The following PLA2G4D variants were observed in gnomAD, a reference collection of about 807,000 sequenced individuals.
The protein encoded by PLA2G4D is phospholipase A2 group IVD, also known as cytosolic phospholipase A2 delta.
Under a neutral mutation model 94.4 loss-of-function variants are expected in PLA2G4D, and 80 were observed. That is an observed-to-expected ratio of 0.85 (90% CI 0.71 to 1.02). The LOEUF (loss-of-function observed/expected upper bound fraction) is 1.02. PLA2G4D is among the 50% of genes least tolerant of loss of function. The probability of loss-of-function intolerance (pLI) is 0.00; values close to 1 mark genes in which losing one functional copy is unlikely to be tolerated. For synonymous variants in PLA2G4D, 438 were observed against 440.9 expected, an observed-to-expected ratio of 0.99 and a Z score of 0.08; for missense variants, 1,050 against 1,034.7, an observed-to-expected ratio of 1.01 and a Z score of -0.20.
chr15:42,089,106 G>A (rs1048230900), intron 1 of PLA2G4D, among the ~76,000 whole-genome samples: 1 of 152,226 alleles, frequency 6.6e-6, no homozygotes, highest in Non-Finnish European at 1.5e-5. Context: ...GACCCTGAGG[G>A]AGCCAAAAGC....
At chr15:42,083,667 C>T (rs758940285) in intron 7 of PLA2G4D, 49 bp downstream of exon 7, 1 of 1,605,826 alleles carries the variant, frequency 6.2e-7, no homozygotes, top group South Asian at 1.1e-5. Flanking sequence ...CAATCCTCCT[C>T]ACCCCCACAT....
intron 14 of PLA2G4D, 131 bp from the exon 15 acceptor site, chr15:42,072,042 T>A (rs1889835042): frequency 2.4e-6 from 3 of 1,262,070 alleles, no homozygotes; most frequent in Non-Finnish European, 2.2e-6. Flanking sequence ...ATGCAGCAGA[T>A]GTGAGGAATG....
chr15:42,069,867 G>C (rs1384155541), intron 19 of PLA2G4D, 42 bp downstream of exon 19: 1 of 1,366,070 alleles, frequency 7.3e-7, no homozygotes, highest in Non-Finnish European at 9.5e-7. Flanking sequence ...GCAGGCCTCT[G>C]AGGGGCCAGG....
chr15:42,083,369 A>G (rs775488986), intron 7 of PLA2G4D, 35 bp from the exon 8 acceptor site: 4 of 1,593,094 alleles, frequency 2.5e-6, no homozygotes, highest in Non-Finnish European at 2.6e-6. Flanking sequence ...CATGAGAACA[A>G]GAGCCCGGAA....
At chr15:42,087,766 C>A in intron 1 of PLA2G4D, 66 bp from the exon 2 acceptor site, 1 of 1,534,038 alleles carries the variant, frequency 6.5e-7, no homozygotes, top group African/African-American at 1.4e-5. Flanking sequence ...AGCTGCAGCC[C>A]GGGCTGCCGA....
chr15:42,086,194 T>TGGGGGGGGGGGGGCCG lies in PLA2G4D; in HGVS notation c.387+18_387+19insCGGCCCCCCCCCCCCC. On this transcript the variant is annotated intron_variant, in intron 4 of 19. Transcript: ENST00000290472. ...GGAAGAAGTGGGGCCCACGGGGACT[T>TGGGGGGGGGGGGGCCG]CCCCACCCACCCACCCACCTGGGGA... 1 of 1,370,442 alleles carries TGGGGGGGGGGGGGCCG rather than the reference T, an allele frequency of 7.3e-7. No homozygotes were observed. Among genetic ancestry groups the TGGGGGGGGGGGGGCCG allele is most frequent in the Non-Finnish European group, 9.6e-7 (1 of 1,043,082 alleles). The allele number at this position is 1,370,442 out of a possible 1,614,324, so 84.9% of individuals were successfully genotyped here.
rs571485792 is a variant in PLA2G4D at position 42,080,520 on chromosome 15, T to A, written c.1094+477A>T. 2.0e-5 allele frequency among the ~76,000 whole-genome samples: 3 copies of A among 152,250 alleles called. No individual in the cohort carries two copies. The South Asian group carries it at 6.2e-4, about 32-fold the overall frequency. ...ATAAGGGAATCTACCTCGAGTGTGG[T>A]GAAGATTAAATGCAATAATAACAAT... On this transcript the variant is annotated intron_variant, in intron 12 of 19. Coordinates refer to ENST00000290472, the MANE Select transcript of PLA2G4D (RefSeq NM_178034.4).
At chr15:42,091,059 T>C (rs1392136275) in intron 1 of PLA2G4D, among the ~76,000 whole-genome samples, 1 of 152,188 alleles carries the variant, frequency 6.6e-6, no homozygotes, top group Non-Finnish European at 1.5e-5. Flanking sequence ...GCCACAGTCA[T>C]TTCTCATTCC....
chr15:42,092,899 G>T (rs1417800286), intron 1 of PLA2G4D, among the ~76,000 whole-genome samples: 1 of 152,108 alleles, frequency 6.6e-6, no homozygotes, highest in Non-Finnish European at 1.5e-5. Context: ...GGCAGGAAGA[G>T]AGAAATGAGC....
In PLA2G4D at chr15:42,079,659, C is replaced by CCTCCAGCTT. The variant is rs1199944928; in HGVS notation, c.1186_1194dup (p.Lys396_Glu398dup). 3.7e-6 allele frequency: 6 copies of CCTCCAGCTT among 1,613,062 alleles called. No homozygotes were observed. Among genetic ancestry groups the CCTCCAGCTT allele is most frequent in the Non-Finnish European group, 5.1e-6 (6 of 1,179,558 alleles). On this transcript the variant is annotated inframe_insertion, in exon 13 of 20. Transcript: ENST00000290472. ...CTCGCCAGGCGCTCTGGGGAAAAGA[C>CCTCCAGCTT]CTCCAGCTTGCTCTTGGCCAGGTGC...
chr15:42,093,462 C>T lies in PLA2G4D; in HGVS notation c.45+953G>A, dbSNP rs561017822. 5.1e-4 allele frequency among the ~76,000 whole-genome samples: 77 copies of T among 152,282 alleles called. 1 individual carries two copies. The highest frequency in any genetic ancestry group is 1.4e-3 in the East Asian group (7 of 5,176). ...TCTGGGCTCAGGGCTCCTGATGGGACGGGTGGTGGAGCCAGGGCCGCCAGC... is the reference window on the plus strand; with the variant it reads ...TCTGGGCTCAGGGCTCCTGATGGGATGGGTGGTGGAGCCAGGGCCGCCAGC... On this transcript the variant is annotated intron_variant, in intron 1 of 19. Transcript: ENST00000290472.
Position 42,079,688 on chromosome 15 carries a change from C to A in PLA2G4D, c.1166G>T (p.Arg389Leu). 6.2e-7 allele frequency: 1 copy of A among 1,612,672 alleles called. No homozygotes were observed. ...RDLEGPIRYA[R>L]EHLAKSKLEV... is the part of the protein sequence containing the mutation. ...CAGCTTGCTCTTGGCCAGGTGCTCC[C>A]GGGCGTATCTGATAGGTCCCTCCAG... The change falls in exon 13 of 20, where the codon CGG (arginine) becomes CTG (leucine). Residue 389 changes from arginine (R) to leucine (L), a missense_variant. Physicochemically the swap from Arg to Leu is moderately radical, Grantham distance 102. Transcript: ENST00000290472.
Position 42,086,212 on chromosome 15 carries a change from C to A in PLA2G4D, c.387+1G>T. 6.6e-7 allele frequency: 1 copy of A among 1,517,690 alleles called. No individual in the cohort carries two copies. Among genetic ancestry groups the A allele is most frequent in the Non-Finnish European group, 8.9e-7 (1 of 1,123,112 alleles). 94.0% of individuals were successfully genotyped at this position (1,517,690 alleles called of 1,614,324 possible). On this transcript the variant is annotated splice_donor_variant, in intron 4 of 19. Transcript: ENST00000290472. LOFTEE classifies it high-confidence loss of function. ...GGGGACTTCCCCACCCACCCACCCA[C>A]CTGGGGACTCTGGGAGAAGGTTTTC...
chr15:42,083,969 C>T (rs1311437940), intron 6 of PLA2G4D, 190 bp from the exon 7 acceptor site: 14 of 592,604 alleles, frequency 2.4e-5, no homozygotes, highest in African/African-American at 5.6e-5. Context: ...CCTGATATTC[C>T]GCAGCAGCCA....
In PLA2G4D at chr15:42,070,759, G is replaced by A. The variant is rs1889790922; in HGVS notation, c.2001C>T (p.Asp667=). 3.2e-6 allele frequency: 5 copies of A among 1,581,268 alleles called. No individual in the cohort carries two copies. The highest frequency in any genetic ancestry group is 4.3e-6 in the Non-Finnish European group (5 of 1,162,594). ...GGGAGTAGTCGAAGGAGAGGATGAG[G>A]TCCAGCCTGCGGCCTGGCCGGAACA... The part of the protein sequence containing the change: ...PSMFRPGRRL[D]LILSFDYSLS... The change falls in exon 18 of 20, where the codon GAC becomes GAT. Residue 667 remains aspartate (D), a synonymous_variant. Coordinates refer to ENST00000290472, the MANE Select transcript of PLA2G4D (RefSeq NM_178034.4).
At chr15:42,082,489 A>ATTCTGTATTAT in intron 8 of PLA2G4D, 100 bp from the exon 9 acceptor site, 1 of 700,074 alleles carries the variant, frequency 1.4e-6, no homozygotes, top group Non-Finnish European at 2.4e-6. Context: ...CCCTGATAAT[A>ATTCTGTATTAT]CAGAATATTA....
chr15:42,081,980 G>GGAGTGCAATGGTGCGATCTT, intron 9 of PLA2G4D, 146 bp from the exon 10 acceptor site: 3 of 1,029,208 alleles, frequency 2.9e-6, no homozygotes, highest in Non-Finnish European at 4.1e-6. Context: ...TGCTCAGGCT[G>GGAGTGCAATGGTGCGATCTT]GAGTGCAATG....
chr15:42,071,036 G>A (rs1889801293), intron 17 of PLA2G4D, 87 bp downstream of exon 17: 2 of 1,553,318 alleles, frequency 1.3e-6, no homozygotes, highest in Admixed American at 2.0e-5. Context: ...AGAAGTGGAT[G>A]CTGACCTCCT....
At chr15:42,076,048 A>C (rs1479392231) in intron 13 of PLA2G4D, among the ~76,000 whole-genome samples, 1 of 152,190 alleles carries the variant, frequency 6.6e-6, no homozygotes, top group Non-Finnish European at 1.5e-5. Context: ...TCAGATACCA[A>C]GATTTATCAC....
Sources: gnomAD v4.1 joint callset for allele counts (sites outside exome capture counted in the v4.1 genomes callset) on GRCh38, gnomAD v4.1.1 for gene constraint, MANE v1.5 for transcripts, NCBI Gene and HGNC (gene_info 2026-07-23, HGNC 2026-07-21) for gene names.